GPR161: variants seen among roughly 807,000 people sequenced by gnomAD.
The protein encoded by GPR161 is G-protein coupled receptor RE2.
Under a neutral mutation model 39.2 loss-of-function variants are expected in GPR161, and 25 were observed. The observed-to-expected ratio is 0.64, with a 90% CI of 0.47 to 0.89. The LOEUF (loss-of-function observed/expected upper bound fraction) is 0.89. Among genes scored for constraint, GPR161 ranks in the 40% least tolerant of loss-of-function variants. GPR161 has a pLI of 0.00. For synonymous variants in GPR161, 286 were observed against 276.6 expected, an observed-to-expected ratio of 1.03 and a Z score of -0.34; for missense variants, 547 against 677.8, an observed-to-expected ratio of 0.81 and a Z score of 2.14.
At position 168,104,809 on chromosome 1, in the gene GPR161, A is replaced by G; in HGVS notation, c.42T>C (p.Ser14=). Residue 14 remains serine, a synonymous_variant, in exon 2 of 6, where the codon AGT becomes AGC. Transcript: ENST00000682931. ...NSSLSCRKEL[S]NLTEEEGGEG... is the part of the protein sequence containing the mutation. ...CGCCACCCTCCTCCTCAGTGAGATT[A>G]CTCAGCTCCTTCCTGCAGCTGAGGG... The G allele has an allele frequency of 6.2e-7, 1 of 1,613,464 alleles. No homozygotes were observed. Among genetic ancestry groups the G allele is most frequent in the African/African-American group, 1.3e-5 (1 of 74,946 alleles).
intron 2 of GPR161, among the ~76,000 whole-genome samples, chr1:168,099,788 T>C (rs1175389413): frequency 7.1e-6 from 1 of 140,828 alleles, no homozygotes; most frequent in African/African-American, 2.6e-5. Context: ...GCCCTGCCCA[T>C]GTACAGCCAC....
At chr1:168,101,245 CA>C (rs752921803) in intron 2 of GPR161, among the ~76,000 whole-genome samples, 3 of 151,928 alleles carry the variant, frequency 2.0e-5, no homozygotes, top group Non-Finnish European at 4.4e-5. Flanking sequence ...CGTCATTTAG[CA>C]TTAGGTATAT....
At position 168,104,494 on chromosome 1, in the gene GPR161, C is replaced by A. The variant is rs755383381; in HGVS notation, c.357G>T (p.Gly119=). The A allele has an allele frequency of 4.3e-6, 7 of 1,613,376 alleles. No individual in the cohort carries two copies. In the African/African-American group the frequency reaches 8.0e-5, roughly 18 times the overall value. Residue 119 remains glycine, a synonymous_variant, in exon 2 of 6, where the codon GGG becomes GGT. Transcript: ENST00000682931. ...LISSASMLTL[G]VIAIDRYYAV... ...ATGCTTACCGGTCGATGGCAATGACCCCGAGGGTTAGCATGCTGGCAGAGC... is the reference window on the plus strand; with the variant it reads ...ATGCTTACCGGTCGATGGCAATGACACCGAGGGTTAGCATGCTGGCAGAGC...
At chr1:168,136,641 C>A in intron 1 of GPR161, 98 bp downstream of exon 1, 1 of 1,214,348 alleles carries the variant, frequency 8.2e-7, no homozygotes, top group African/African-American at 1.6e-5. Flanking sequence ...CCGGCCCGCG[C>A]CCTGAGCCCT....
At position 168,097,207 on chromosome 1, in the gene GPR161, C is replaced by T. The variant is rs766182417; in HGVS notation, c.400G>A (p.Val134Met). The T allele has an allele frequency of 1.9e-6, 3 of 1,613,378 alleles. No homozygotes were observed. The highest frequency in any genetic ancestry group is 1.7e-6 in the Non-Finnish European group (2 of 1,179,872). ...DRYYAVLYPM[V>M]YPMKITGNRA... ...TTCCCTGTGATCTTCATGGGGTACA[C>T]CATGGGGTACAGGACAGCATAGTAG... Residue 134 changes from valine (V) to methionine (M), a missense_variant, in exon 3 of 6, where the codon GTG becomes ATG. By Grantham distance (21) the Val-to-Met change is conservative. Coordinates refer to ENST00000682931, the MANE Select transcript of GPR161 (RefSeq NM_001375883.1).
rs752450162 is a variant in GPR161, at chr1:168,104,460, G to T, written c.374+17C>A. The T allele has an allele frequency of 2.8e-5, 45 of 1,602,408 alleles. No homozygotes were observed. Among genetic ancestry groups the T allele is most frequent in the Non-Finnish European group, 3.8e-5 (45 of 1,170,698 alleles). On this transcript the variant is annotated intron_variant, in intron 2 of 5. Transcript: ENST00000682931. ...CGTCAGTAATCCCTCAATTCTCTAAGTCTGAGGCATGCTTACCGGTCGATG... is the reference window on the plus strand; with the variant it reads ...CGTCAGTAATCCCTCAATTCTCTAATTCTGAGGCATGCTTACCGGTCGATG...
chr1:168,099,836 TG>T (rs201115778), intron 2 of GPR161, among the ~76,000 whole-genome samples: 7,233 of 95,694 alleles, frequency 0.076, 599 homozygotes, highest in African/African-American at 0.23. Context: ...GTTTTTTTTT[TG>T]GGGGGGGGGG....
chr1:168,094,108 C>T (rs1310664719), intron 3 of GPR161, among the ~76,000 whole-genome samples: 3 of 152,216 alleles, frequency 2.0e-5, no homozygotes, highest in Non-Finnish European at 4.4e-5. Context: ...TCCGCCTGTG[C>T]TCACAGCTTC....
chr1:168,135,960 T>G (rs1326825446), intron 1 of GPR161: 2 of 967,306 alleles, frequency 2.1e-6, no homozygotes, highest in African/African-American at 3.4e-5. Context: ...CGCAGCTATG[T>G]GGTTACTGGT....
At chr1:168,107,580 T>C (rs1696725861) in intron 1 of GPR161, among the ~76,000 whole-genome samples, 1 of 152,214 alleles carries the variant, frequency 6.6e-6, no homozygotes, top group Non-Finnish European at 1.5e-5. Flanking sequence ...CAACCTTGGA[T>C]ATTTTAGCCT....
chr1:168,091,513 C>G (rs1298963254), intron 3 of GPR161, among the ~76,000 whole-genome samples: 4 of 152,182 alleles, frequency 2.6e-5, no homozygotes, highest in African/African-American at 9.7e-5. Flanking sequence ...ATGGCCCTGC[C>G]AGACCAACCC....
rs1553269051 is a variant in GPR161 at position 168,119,203 on chromosome 1, T to TATATATAC, written c.-44-14310_-44-14309insGTATATAT. 2.5e-4 allele frequency among the ~76,000 whole-genome samples: 26 copies of TATATATAC among 103,532 alleles called. 3 individuals carry two copies. Among genetic ancestry groups the TATATATAC allele is most frequent in the African/African-American group, 1.1e-3 (26 of 22,648 alleles). The allele number at this position is 103,532 out of a possible 152,430, so 67.9% of individuals were successfully genotyped here. A position where few individuals can be genotyped will look rare whatever the true frequency, so the allele number is the denominator to read the frequency against. The stretch of plus-strand genomic sequence containing the variant: ...GCAACCCAAATCTCCATCATATATA[T>TATATATAC]ATATATGTATACATATATATATACG... On this transcript the variant is annotated intron_variant, in intron 1 of 5. Coordinates refer to ENST00000682931, the MANE Select transcript of GPR161 (RefSeq NM_001375883.1).
At chr1:168,110,783 G>C (rs1180555154) in intron 1 of GPR161, among the ~76,000 whole-genome samples, 2 of 151,928 alleles carry the variant, frequency 1.3e-5, no homozygotes, top group Non-Finnish European at 2.9e-5. Flanking sequence ...AATTGTCTGG[G>C]TGTGGTGGCG....
intron 3 of GPR161, among the ~76,000 whole-genome samples, chr1:168,094,747 A>G (rs1296626337): frequency 6.6e-6 from 1 of 152,168 alleles, no homozygotes; most frequent in African/African-American, 2.4e-5. Context: ...TGTTCTCCAA[A>G]TCTCTCCCAG....
rs750424696 is a variant in GPR161, at chr1:168,084,517, G to T, written c.*1014C>A. The T allele has an allele frequency of 1.4e-3, 457 of 338,404 alleles. 1 individual carries two copies. The highest frequency in any genetic ancestry group is 2.0e-3 in the Non-Finnish European group (343 of 174,752). 21.0% of individuals were successfully genotyped at this position (338,404 alleles called of 1,614,324 possible). The stretch of plus-strand genomic sequence containing the variant: ...CAATAACCCAGGTTGCTGGCTGTGG[G>T]TCCAGGGCTGCTTCTATCTTATTTA... On this transcript the variant is annotated 3_prime_UTR_variant, in exon 6 of 6. Transcript: ENST00000682931.
At chr1:168,134,885 G>T in intron 1 of GPR161, 1 of 1,534,584 alleles carries the variant, frequency 6.5e-7, no homozygotes, top group Non-Finnish European at 8.7e-7. Context: ...TGGCAGTGGA[G>T]TTTACACCAC....
intron 3 of GPR161, among the ~76,000 whole-genome samples, chr1:168,092,513 A>G (rs1381745888): frequency 6.6e-6 from 1 of 152,150 alleles, no homozygotes; most frequent in Non-Finnish European, 1.5e-5. Context: ...TTCACATGAA[A>G]CAATGTATTT....
chr1:168,108,148 G>A (rs1696777403), intron 1 of GPR161, among the ~76,000 whole-genome samples: 1 of 152,168 alleles, frequency 6.6e-6, no homozygotes, highest in African/African-American at 2.4e-5. Flanking sequence ...CACATAAGGA[G>A]AGGGGAGCCA....
At chr1:168,103,567 C>T (rs1488836742) in intron 2 of GPR161, among the ~76,000 whole-genome samples, 2 of 152,144 alleles carry the variant, frequency 1.3e-5, no homozygotes, top group African/African-American at 2.4e-5. Flanking sequence ...TGGACAGTTC[C>T]ACTACCACTC....
Sources: allele counts gnomAD v4.1 joint callset (sites outside exome capture counted in the v4.1 genomes callset), GRCh38; gene constraint gnomAD v4.1.1; transcripts MANE v1.5; gene names NCBI Gene and HGNC (gene_info 2026-07-23, HGNC 2026-07-21).